The following ZBTB20 variants were observed in gnomAD, a reference collection of about 807,000 sequenced individuals.
ZBTB20 encodes zinc finger and BTB domain containing 20.
In ZBTB20, 9 loss-of-function variants were observed where a neutral mutation model predicts 56.9. That is an observed-to-expected ratio of 0.16 (90% CI 0.10 to 0.28). The LOEUF (loss-of-function observed/expected upper bound fraction) is 0.28. Ranked by LOEUF, ZBTB20 falls within the 10% of genes least tolerant of loss-of-function variation. ZBTB20 has a pLI of 1.00. For synonymous variants in ZBTB20, 417 were observed against 420.7 expected, an observed-to-expected ratio of 0.99 and a Z score of 0.11; for missense variants, 655 against 1,003.0, an observed-to-expected ratio of 0.65 and a Z score of 4.69.
At chr3:114,963,810 C>A (rs2077541658) in intron 3 of ZBTB20, among the ~76,000 whole-genome samples, 1 of 151,886 alleles carries the variant, frequency 6.6e-6, no homozygotes, top group Admixed American at 6.6e-5. Flanking sequence ...GTGTATAAGA[C>A]AAAACTTTTG....
At chr3:114,633,600 T>A (rs1338223319) in intron 6 of ZBTB20, among the ~76,000 whole-genome samples, 1 of 152,166 alleles carries the variant, frequency 6.6e-6, no homozygotes, top group Non-Finnish European at 1.5e-5. Context: ...TTTTTACCTG[T>A]TCTCATTCAG....
At chr3:115,016,862 A>G (rs922369588) in intron 2 of ZBTB20, among the ~76,000 whole-genome samples, 6 of 151,646 alleles carry the variant, frequency 4.0e-5, no homozygotes, top group Non-Finnish European at 8.8e-5. Flanking sequence ...TCAATAAACT[A>G]GGTATTGAAA....
intron 5 of ZBTB20, among the ~76,000 whole-genome samples, chr3:114,763,533 G>A (rs1228667283): frequency 6.6e-6 from 1 of 152,104 alleles, no homozygotes; most frequent in Non-Finnish European, 1.5e-5. Context: ...ATATAAGAAT[G>A]AAAACTTAAA....
In ZBTB20 at chr3:114,782,197, G is replaced by A. The variant is rs774473550; in HGVS notation, c.-343+18904C>T. ...AGCCTTTAACCTGCTGCTTTGTAAT[G>A]ATTTGTTTACATATACTTTTTTTTG... is the stretch of plus-strand genomic sequence containing the variant. On this transcript the variant is annotated intron_variant, in intron 5 of 11. Coordinates refer to ENST00000675478, the MANE Select transcript of ZBTB20 (RefSeq NM_001348800.3). 4.4e-4 allele frequency among the ~76,000 whole-genome samples: 67 copies of A among 152,140 alleles called. 1 individual carries two copies. The highest frequency in any genetic ancestry group is 2.4e-3 in the Admixed American group (37 of 15,276).
chr3:114,514,760 T>C (rs2045796285), intron 6 of ZBTB20, among the ~76,000 whole-genome samples: 1 of 151,828 alleles, frequency 6.6e-6, no homozygotes, highest in South Asian at 2.1e-4. Flanking sequence ...AAAAGAAGAG[T>C]GTCACCTCTG....
rs1208847105 is a variant in ZBTB20, at chr3:114,327,905, T to C, written c.*11100A>G. ...GACTGTGTTACGAAGTTGTTGTGAA[T>C]GTGATATTATAAGCATCCTGAAAAG... On this transcript the variant is annotated 3_prime_UTR_variant, in exon 12 of 12. Coordinates refer to ENST00000675478, the MANE Select transcript of ZBTB20 (RefSeq NM_001348800.3). 1 of 152,164 alleles carries C rather than the reference T, an allele frequency of 6.6e-6. No individual in the cohort carries two copies. Among genetic ancestry groups the C allele is most frequent in the Non-Finnish European group, 1.5e-5 (1 of 68,016 alleles). 9.4% of individuals were successfully genotyped at this position (152,164 alleles called of 1,614,324 possible).
intron 1 of ZBTB20, among the ~76,000 whole-genome samples, chr3:115,132,933 T>C (rs948547316): frequency 1.3e-5 from 2 of 152,234 alleles, no homozygotes; most frequent in Non-Finnish European, 2.9e-5. Context: ...TTAAAATAGC[T>C]ACTAGTGAGT....
chr3:114,840,606 G>T (rs978025783), intron 4 of ZBTB20, among the ~76,000 whole-genome samples: 1 of 152,166 alleles, frequency 6.6e-6, no homozygotes, highest in Non-Finnish European at 1.5e-5. Flanking sequence ...GTCAGATATA[G>T]AGTCAAAATT....
intron 2 of ZBTB20, among the ~76,000 whole-genome samples, chr3:115,061,323 G>A (rs2082003856): frequency 1.3e-5 from 2 of 152,044 alleles, no homozygotes; most frequent in Admixed American, 1.3e-4. Context: ...TTACTTTTCA[G>A]GATTCCCTTA....
intron 1 of ZBTB20, among the ~76,000 whole-genome samples, chr3:115,123,656 A>G (rs2084244333): frequency 6.6e-6 from 1 of 152,210 alleles, no homozygotes; most frequent in African/African-American, 2.4e-5. Flanking sequence ...GACATATGTC[A>G]CATACACAAT....
chr3:114,872,098 T>C (rs2076035900), intron 4 of ZBTB20, among the ~76,000 whole-genome samples: 1 of 152,128 alleles, frequency 6.6e-6, no homozygotes, highest in African/African-American at 2.4e-5. Flanking sequence ...CTTCCCAATA[T>C]CTATTCCATG....
chr3:114,521,058 A>G (rs61065370), intron 6 of ZBTB20, among the ~76,000 whole-genome samples: 32,558 of 152,114 alleles, frequency 0.21, 3,562 homozygotes, highest in African/African-American at 0.26. Context: ...AATTTATTAA[A>G]CTTACAAATT....
intron 1 of ZBTB20, among the ~76,000 whole-genome samples, chr3:115,106,134 G>A (rs1439381263): frequency 1.3e-5 from 2 of 151,802 alleles, no homozygotes; most frequent in Non-Finnish European, 2.9e-5. Context: ...TCTGGGATTA[G>A]TGGGTCAAAA....
chr3:115,079,897 C>T (rs904847679), intron 1 of ZBTB20, among the ~76,000 whole-genome samples: 3 of 152,112 alleles, frequency 2.0e-5, no homozygotes, highest in Non-Finnish European at 4.4e-5. Context: ...AATAGAGTGC[C>T]TACAATGTGC....
chr3:114,811,259 T>C (rs565562328), intron 4 of ZBTB20, among the ~76,000 whole-genome samples: 1 of 152,322 alleles, frequency 6.6e-6, no homozygotes, highest in South Asian at 2.1e-4. Context: ...TATACTTCCT[T>C]GGGAACACAC....
intron 7 of ZBTB20, among the ~76,000 whole-genome samples, chr3:114,452,698 C>T (rs2109041353): frequency 6.6e-6 from 1 of 151,888 alleles, no homozygotes; most frequent in East Asian, 1.9e-4. Context: ...CTATATTTTC[C>T]CCTACATTTT....
At chr3:114,716,422 A>T (rs1166188562) in intron 5 of ZBTB20, among the ~76,000 whole-genome samples, 2 of 152,126 alleles carry the variant, frequency 1.3e-5, no homozygotes, top group Non-Finnish European at 2.9e-5. Context: ...GTGTGCGTAG[A>T]CTCACAGACA....
At chr3:114,708,792 C>A (rs761506370) in intron 5 of ZBTB20, among the ~76,000 whole-genome samples, 3 of 152,092 alleles carry the variant, frequency 2.0e-5, no homozygotes, top group Admixed American at 2.0e-4. Flanking sequence ...TAGTTGTGTA[C>A]ACACAAAGTG....
intron 3 of ZBTB20, among the ~76,000 whole-genome samples, chr3:114,958,535 C>G (rs2077328234): frequency 6.6e-6 from 1 of 151,958 alleles, no homozygotes; most frequent in Non-Finnish European, 1.5e-5. Flanking sequence ...TCTTAGTTAC[C>G]TTTCCCTAGC....
Sources: gnomAD v4.1 joint callset for allele counts (sites outside exome capture counted in the v4.1 genomes callset) on GRCh38, gnomAD v4.1.1 for gene constraint, MANE v1.5 for transcripts, NCBI Gene and HGNC (gene_info 2026-07-23, HGNC 2026-07-21) for gene names.